The following VWC2 variants were observed in gnomAD, a reference collection of about 807,000 sequenced individuals.
VWC2 encodes the protein brorin.
VWC2 carries 14 observed loss-of-function variants against 29.8 expected under a neutral mutation model. The observed-to-expected ratio is 0.47, with a 90% confidence interval of 0.31 to 0.74. The LOEUF (loss-of-function observed/expected upper bound fraction) is 0.74. Ranked by LOEUF, VWC2 falls within the 30% of genes least tolerant of loss-of-function variation. The pLI is 0.05. For missense variants in VWC2, 457 were observed against 459.8 expected (o/e 0.99, Z 0.05); for synonymous variants, 213 against 199.0 (o/e 1.07, Z -0.59).
chr7:49,845,714 A>G (rs1400895185), intron 3 of VWC2, among the ~76,000 whole-genome samples: 1 of 152,254 alleles, frequency 6.6e-6, no homozygotes, highest in Non-Finnish European at 1.5e-5. Context: ...TGACATTGTA[A>G]CAAAATTAAA....
At chr7:49,866,336 G>T (rs111361613) in intron 3 of VWC2, among the ~76,000 whole-genome samples, 2 of 152,252 alleles carry the variant, frequency 1.3e-5, no homozygotes, top group African/African-American at 4.8e-5. Context: ...CCTGACTGGC[G>T]TTCTTCCCTC....
At chr7:49,787,057 A>G (rs1421215538) in intron 2 of VWC2, among the ~76,000 whole-genome samples, 1 of 152,146 alleles carries the variant, frequency 6.6e-6, no homozygotes, top group African/African-American at 2.4e-5. Context: ...CTTCAGAGGC[A>G]TCCCCAGCTG....
chr7:49,892,034 T>G (rs796373), intron 3 of VWC2, among the ~76,000 whole-genome samples: 1,527 of 39,850 alleles, frequency 0.038, 63 homozygotes, highest in African/African-American at 0.14. Context: ...AAAGTAGATT[T>G]TTTTTTTTTT....
intron 3 of VWC2, among the ~76,000 whole-genome samples, chr7:49,817,187 C>G (rs1353818411): frequency 6.6e-6 from 1 of 152,342 alleles, no homozygotes. Flanking sequence ...CATTCATACT[C>G]TTTCACCATT....
At chr7:49,816,861 C>T (rs956534578) in intron 3 of VWC2, among the ~76,000 whole-genome samples, 1 of 152,196 alleles carries the variant, frequency 6.6e-6, no homozygotes, top group Non-Finnish European at 1.5e-5. Flanking sequence ...AGTTTCTTCA[C>T]TTACAAAATT....
chr7:49,795,528 C>T (rs1267440515), intron 2 of VWC2, among the ~76,000 whole-genome samples: 2 of 152,144 alleles, frequency 1.3e-5, no homozygotes, highest in Non-Finnish European at 2.9e-5. Context: ...CCTTCTATTC[C>T]CTTTGTGGAT....
At chr7:49,787,351 T>C (rs1788321609) in intron 2 of VWC2, among the ~76,000 whole-genome samples, 1 of 152,218 alleles carries the variant, frequency 6.6e-6, no homozygotes, top group African/African-American at 2.4e-5. Flanking sequence ...TGTATGCTTT[T>C]AAAAAAGAGA....
In VWC2 at chr7:49,878,953, T is replaced by G. The variant is rs375057475; in HGVS notation, c.827-33081T>G. On this transcript the variant is annotated intron_variant, in intron 3 of 3. Coordinates refer to ENST00000340652, the MANE Select transcript of VWC2 (RefSeq NM_198570.5). ...TACTGTTTGTCCCTTTACAGAAAAG[T>G]TTGCCAAGCCCTGGGTTAGGTCTTC... is the stretch of plus-strand genomic sequence containing the variant. Among the ~76,000 whole-genome samples, 232 of 152,314 alleles carry G rather than the reference T, an allele frequency of 1.5e-3. 3 individuals carry two copies. The highest frequency in any genetic ancestry group is 5.3e-3 in the African/African-American group (222 of 41,574).
chr7:49,794,520 C>T (rs1448113293), intron 2 of VWC2, among the ~76,000 whole-genome samples: 1 of 152,138 alleles, frequency 6.6e-6, no homozygotes, highest in Admixed American at 6.5e-5. Context: ...GCTCAGCAGG[C>T]AGGTATGTAT....
chr7:49,910,417 T>C (rs1453227334), intron 3 of VWC2, among the ~76,000 whole-genome samples: 1 of 152,190 alleles, frequency 6.6e-6, no homozygotes, highest in East Asian at 1.9e-4. Context: ...TTATCAAAGA[T>C]ATTAGAAGCA....
chr7:49,848,254 C>T (rs748067025), intron 3 of VWC2, among the ~76,000 whole-genome samples: 47 of 152,310 alleles, frequency 3.1e-4, no homozygotes, highest in Admixed American at 3.3e-4. Flanking sequence ...GCAGCACTAG[C>T]TGTCCAGAGA....
chr7:49,794,624 T>C (rs113742604), intron 2 of VWC2, among the ~76,000 whole-genome samples: 2,069 of 152,320 alleles, frequency 0.014, 36 homozygotes, highest in African/African-American at 0.047. Context: ...TCTTGTCTTA[T>C]GGTGCAAGGA....
chr7:49,906,932 A>T (rs1159169558), intron 3 of VWC2, among the ~76,000 whole-genome samples: 2 of 151,480 alleles, frequency 1.3e-5, no homozygotes, highest in Non-Finnish European at 2.9e-5. Context: ...AGCAGATGAT[A>T]AAAAAAAATG....
At chr7:49,789,261 G>A (rs900296455) in intron 2 of VWC2, among the ~76,000 whole-genome samples, 3 of 145,574 alleles carry the variant, frequency 2.1e-5, no homozygotes, top group Non-Finnish European at 3.0e-5. Context: ...GGGAGTGGGT[G>A]TGTGTGAGCG....
At chr7:49,889,004 CG>C (rs1427600403) in intron 3 of VWC2, among the ~76,000 whole-genome samples, 2 of 152,146 alleles carry the variant, frequency 1.3e-5, no homozygotes, top group African/African-American at 2.4e-5. Flanking sequence ...ATTGGGCTGA[CG>C]CAAGTAGGGG....
At chr7:49,780,069 A>G (rs1257827405) in intron 2 of VWC2, among the ~76,000 whole-genome samples, 1 of 152,212 alleles carries the variant, frequency 6.6e-6, no homozygotes, top group Non-Finnish European at 1.5e-5. Flanking sequence ...AATGACCAAA[A>G]TTGACTTCCT....
rs1270651099 is a variant in VWC2, at chr7:49,912,136, G to C, written c.929G>C (p.Arg310Thr). The change falls in exon 4 of 4, where the codon AGA becomes ACA. Residue 310 changes from arginine to threonine, a missense_variant. By Grantham distance (71) the Arg-to-Thr change is moderately conservative. This residue lies in a region of VWC2 where 185 missense variants were observed against 257.1 expected (regional missense o/e 0.72). Coordinates refer to ENST00000340652, the MANE Select transcript of VWC2 (RefSeq NM_198570.5). ...TGTACTTATGAGGAAGGCACATGGA[G>C]AATCGAGCGGCAGGCCATGTGCACG... ...CHCTYEEGTWRIERQAMCTRH... is the reference protein window; with the variant it reads ...CHCTYEEGTWTIERQAMCTRH... 2 of 1,614,152 alleles carry C rather than the reference G, an allele frequency of 1.2e-6. No homozygotes were observed. Among genetic ancestry groups the C allele is most frequent in the Non-Finnish European group, 1.7e-6 (2 of 1,180,010 alleles).
chr7:49,900,555 A>C (rs562310650), intron 3 of VWC2, among the ~76,000 whole-genome samples: 1 of 151,800 alleles, frequency 6.6e-6, no homozygotes, highest in Non-Finnish European at 1.5e-5. Flanking sequence ...TTAATAATCA[A>C]GATGAAATGA....
intron 3 of VWC2, among the ~76,000 whole-genome samples, chr7:49,857,009 C>CAAAA (rs59910243): frequency 2.0e-3 from 106 of 52,788 alleles, no homozygotes; most frequent in Non-Finnish European, 2.4e-3. Flanking sequence ...GATACTGTCT[C>CAAAA]AAAAAAAAAA....
Sources: allele counts gnomAD v4.1 joint callset (sites outside exome capture counted in the v4.1 genomes callset), GRCh38; gene constraint gnomAD v4.1.1; regional missense constraint gnomAD v4.1.1; transcripts MANE v1.5; gene names NCBI Gene and HGNC (gene_info 2026-07-23, HGNC 2026-07-21).